Variants in PXDNL observed in about 807,000 individuals in gnomAD.
PXDNL encodes peroxidasin like, also known as probable oxidoreductase PXDNL.
PXDNL carries 145 observed loss-of-function variants against 150.8 expected under a neutral mutation model. That is an observed-to-expected ratio of 0.96 (90% CI 0.84 to 1.10). The LOEUF is 1.10. PXDNL is among the 50% of genes least tolerant of loss of function. The probability of loss-of-function intolerance (pLI) is 0.00; values close to 1 mark genes in which losing one functional copy is unlikely to be tolerated. For synonymous variants in PXDNL, 757 were observed against 725.7 expected (o/e 1.04, Z -0.69); for missense variants, 2,087 against 1,873.9 (o/e 1.11, Z -2.10).
intron 3 of PXDNL, among the ~76,000 whole-genome samples, chr8:51,576,942 C>T (rs1008737220): frequency 1.3e-5 from 2 of 151,878 alleles, no homozygotes; most frequent in African/African-American, 4.8e-5. Flanking sequence ...TATCAGTTCA[C>T]TCAGTGTGAA....
At chr8:51,385,407 T>G (rs1167838372) in intron 17 of PXDNL, among the ~76,000 whole-genome samples, 1 of 152,152 alleles carries the variant, frequency 6.6e-6, no homozygotes, top group Admixed American at 6.5e-5. Flanking sequence ...ATAAGATTAG[T>G]TAGCATACAT....
chr8:51,537,007 G>T (rs954910755), intron 4 of PXDNL, among the ~76,000 whole-genome samples: 2 of 152,196 alleles, frequency 1.3e-5, no homozygotes, highest in Non-Finnish European at 2.9e-5. Flanking sequence ...GCAGACTTTA[G>T]ATAATGGGGC....
chr8:51,669,425 T>A (rs1815455257), intron 1 of PXDNL, among the ~76,000 whole-genome samples: 1 of 152,222 alleles, frequency 6.6e-6, no homozygotes, highest in African/African-American at 2.4e-5. Flanking sequence ...AGCAGTTTTA[T>A]TGTGTGACTG....
intron 1 of PXDNL, among the ~76,000 whole-genome samples, chr8:51,682,749 C>T (rs1815780217): frequency 6.6e-6 from 1 of 151,916 alleles, no homozygotes; most frequent in Non-Finnish European, 1.5e-5. Flanking sequence ...TATGACCATA[C>T]GAGAGAGAGA....
At chr8:51,557,396 A>T (rs942093533) in intron 3 of PXDNL, among the ~76,000 whole-genome samples, 1 of 152,176 alleles carries the variant, frequency 6.6e-6, no homozygotes. Flanking sequence ...AGGGAAGAAT[A>T]CTATAAATGG....
intron 17 of PXDNL, among the ~76,000 whole-genome samples, chr8:51,383,540 G>T (rs9298446): frequency 6.6e-6 from 1 of 152,046 alleles, no homozygotes; most frequent in East Asian, 1.9e-4. Context: ...GACAACATGA[G>T]AGAGTACCGC....
At chr8:51,764,192 TTTCTC>T (rs2037199213) in intron 1 of PXDNL, among the ~76,000 whole-genome samples, 1 of 152,124 alleles carries the variant, frequency 6.6e-6, no homozygotes, top group Non-Finnish European at 1.5e-5. Context: ...ATTTGAGTCT[TTTCTC>T]TATCTCCTTT....
At chr8:51,475,812 C>T (rs1316531399) in intron 6 of PXDNL, among the ~76,000 whole-genome samples, 2 of 151,780 alleles carry the variant, frequency 1.3e-5, no homozygotes, top group Non-Finnish European at 2.9e-5. Flanking sequence ...CAGTGTCTAT[C>T]GTTGTCATTT....
chr8:51,607,645 A>G (rs1236513482), intron 2 of PXDNL, among the ~76,000 whole-genome samples: 1 of 149,310 alleles, frequency 6.7e-6, no homozygotes, highest in African/African-American at 2.5e-5. Flanking sequence ...GTTCGAGACA[A>G]GCCTGGCCAA....
At chr8:51,564,240 C>A (rs934496945) in intron 3 of PXDNL, among the ~76,000 whole-genome samples, 2 of 151,990 alleles carry the variant, frequency 1.3e-5, no homozygotes, top group Non-Finnish European at 2.9e-5. Context: ...CACTCAAAGT[C>A]TAACGGGATT....
chr8:51,365,532 G>T (rs980283495), intron 19 of PXDNL, among the ~76,000 whole-genome samples: 1 of 152,150 alleles, frequency 6.6e-6, no homozygotes, highest in African/African-American at 2.4e-5. Context: ...CAAGCTCTTG[G>T]TATTATCCTC....
intron 8 of PXDNL, among the ~76,000 whole-genome samples, chr8:51,458,483 T>C (rs1400443646): frequency 6.6e-6 from 1 of 152,226 alleles, no homozygotes; most frequent in African/African-American, 2.4e-5. Flanking sequence ...GATTTTCACA[T>C]GTGTACACTT....
chr8:51,449,152 A>AC (rs1233726391), intron 10 of PXDNL, 34 bp from the exon 11 acceptor site: 2 of 1,217,694 alleles, frequency 1.6e-6, no homozygotes, highest in Non-Finnish European at 2.3e-6. Context: ...AAAATTGAAA[A>AC]TTATTTTACA....
chr8:51,594,125 C>T (rs1813510155), intron 2 of PXDNL, among the ~76,000 whole-genome samples: 2 of 152,152 alleles, frequency 1.3e-5, no homozygotes, highest in African/African-American at 4.8e-5. Flanking sequence ...CTATTCTGTC[C>T]ACCTTAGTCT....
intron 1 of PXDNL, among the ~76,000 whole-genome samples, chr8:51,750,882 T>C (rs2037039614): frequency 6.6e-6 from 1 of 152,114 alleles, no homozygotes; most frequent in African/African-American, 2.4e-5. Context: ...GTATCCCCCA[T>C]GGAGAAGGGG....
chr8:51,506,129 A>C (rs1811279584), intron 4 of PXDNL, among the ~76,000 whole-genome samples: 1 of 152,336 alleles, frequency 6.6e-6, no homozygotes, highest in Non-Finnish European at 1.5e-5. Context: ...ATAACAGTGT[A>C]TTCTACCAAA....
At chr8:51,529,382 T>C (rs2130422361) in intron 4 of PXDNL, among the ~76,000 whole-genome samples, 1 of 152,306 alleles carries the variant, frequency 6.6e-6, no homozygotes, top group East Asian at 1.9e-4. Flanking sequence ...TCCACCATCA[T>C]CTTACTTGAC....
In PXDNL at chr8:51,744,983, A is replaced by AGG. The variant is rs2036966430; in HGVS notation, c.164+64197_164+64198insCC. ...AAGAAAGAAAGAAAGAAAGAAAGAA[A>AGG]GAAAGAAAGGGAGGGAGGGAAGAAA... On this transcript the variant is annotated intron_variant, in intron 1 of 22. Coordinates refer to ENST00000356297, the MANE Select transcript of PXDNL (RefSeq NM_144651.5). Among the ~76,000 whole-genome samples, 16 of 13,026 alleles carry AGG rather than the reference A, an allele frequency of 1.2e-3. 2 individuals are homozygous for AGG. The highest frequency in any genetic ancestry group is 5.1e-3 in the Admixed American group (6 of 1,174). The allele number at this position is 13,026 out of a possible 152,430, so 8.5% of individuals were successfully genotyped here. A position where few individuals can be genotyped will look rare whatever the true frequency, so the allele number is the denominator to read the frequency against.
At chr8:51,730,771 C>A (rs1306498215) in intron 1 of PXDNL, among the ~76,000 whole-genome samples, 1 of 152,082 alleles carries the variant, frequency 6.6e-6, no homozygotes, top group East Asian at 1.9e-4. Context: ...ACATTCATGG[C>A]AGAAGGTGAA....
Sources: allele counts gnomAD v4.1 joint callset (sites outside exome capture counted in the v4.1 genomes callset), GRCh38; gene constraint gnomAD v4.1.1; transcripts MANE v1.5; gene names NCBI Gene and HGNC (gene_info 2026-07-23, HGNC 2026-07-21).